MAN2B1: variants seen among roughly 807,000 people sequenced by gnomAD.
MAN2B1 encodes lysosomal alpha-mannosidase.
MAN2B1 carries 99 observed loss-of-function variants against 127.5 expected under a neutral mutation model. The observed-to-expected ratio is 0.78, with a 90% confidence interval of 0.66 to 0.92. MAN2B1 has a LOEUF of 0.92. Ranked by LOEUF, MAN2B1 falls within the 40% of genes least tolerant of loss-of-function variation. The probability of loss-of-function intolerance (pLI) is 0.00; values close to 1 mark genes in which losing one functional copy is unlikely to be tolerated. For missense variants in MAN2B1, 1,304 were observed against 1,384.8 expected (o/e 0.94, Z 0.93); for synonymous variants, 573 against 568.8 (o/e 1.01, Z -0.11).
At position 12,650,204 on chromosome 19, in the gene MAN2B1, C is replaced by G. The variant is rs778745390; in HGVS notation, c.2065G>C (p.Val689Leu). ...CACCAAGCTGAGAAGTTCTGGTGCA[C>G]CTCCTGCACCAAGGGTGTCTGCGGG... is the stretch of plus-strand genomic sequence containing the variant. Reference protein sequence around the residue: ...HLVKTPLVQEVHQNFSAWCSQ... With the variant: ...HLVKTPLVQELHQNFSAWCSQ... The change falls in exon 17 of 24, where the codon GTG (valine) becomes CTG (leucine). Residue 689 changes from valine to leucine, a missense_variant. Physicochemically the swap from Val to Leu is conservative, Grantham distance 32. Coordinates refer to ENST00000456935, the MANE Select transcript of MAN2B1 (RefSeq NM_000528.4). 1 of 1,610,862 alleles carries G rather than the reference C, an allele frequency of 6.2e-7. No individual in the cohort carries two copies. The highest frequency in any genetic ancestry group is 8.5e-7 in the Non-Finnish European group (1 of 1,177,268).
At chr19:12,661,486 G>C in intron 6 of MAN2B1, 110 bp from the exon 7 acceptor site, 2 of 789,902 alleles carry the variant, frequency 2.5e-6, no homozygotes, top group Admixed American at 3.4e-5. Flanking sequence ...GGCATGGGTG[G>C]GGGTATGGCA....
rs762894770 is a variant in MAN2B1, at chr19:12,652,205, T to C, written c.1994A>G (p.Asn665Ser). The C allele has an allele frequency of 1.9e-6, 3 of 1,614,026 alleles. No individual in the cohort carries two copies. Among genetic ancestry groups the C allele is most frequent in the East Asian group, 2.2e-5 (1 of 44,888 alleles). ...QASGAYIFRP[N>S]QQKPLPVSRW... ...GCTCACAGGCAGCGGTTTCTGTTGGTTGGGTCTGAAGATGTAGGCACCTGA... is the reference window on the plus strand; with the variant it reads ...GCTCACAGGCAGCGGTTTCTGTTGGCTGGGTCTGAAGATGTAGGCACCTGA... Residue 665 changes from asparagine to serine, a missense_variant, in exon 16 of 24, where the codon AAC becomes AGC. Physicochemically the swap from Asn to Ser is conservative, Grantham distance 46. Transcript: ENST00000456935.
chr19:12,647,101 G>T lies in MAN2B1; in HGVS notation c.2923+132C>A. The T allele has an allele frequency of 1.2e-6, 1 of 838,732 alleles. No individual in the cohort carries two copies. The allele number at this position is 838,732 out of a possible 1,614,324, so 52.0% of individuals were successfully genotyped here. On this transcript the variant is annotated intron_variant, in intron 23 of 23. Coordinates refer to ENST00000456935, the MANE Select transcript of MAN2B1 (RefSeq NM_000528.4). This position sits in a 1 kb window ranked among gnomAD's most constrained non-coding sequence, Gnocchi z 4.9. Reference sequence around the variant, plus strand: ...TTCAGATCCTTTAAGCCCCTAACCTGGGTCTGGACTCTGCCCCATACCCTC... The same window carrying T: ...TTCAGATCCTTTAAGCCCCTAACCTTGGTCTGGACTCTGCCCCATACCCTC...
At chr19:12,649,812 CCT>C in intron 18 of MAN2B1, 99 bp downstream of exon 18, 1 of 1,039,770 alleles carries the variant, frequency 9.6e-7, no homozygotes, top group Non-Finnish European at 1.5e-6. Context: ...CTCCCTTCGT[CCT>C]CTGTCTCCCA....
At position 12,652,477 on chromosome 19, in the gene MAN2B1, C is replaced by T. The variant is rs372997137; in HGVS notation, c.1831-17G>A. ...CCGGATGTGCTGGGCAGAAAAGGGT[C>T]CACAGATGGGTTTGTGTGTGTATGT... On this transcript the variant is annotated splice_polypyrimidine_tract_variant and intron_variant, in intron 14 of 23. Coordinates refer to ENST00000456935, the MANE Select transcript of MAN2B1 (RefSeq NM_000528.4). 1.7e-5 allele frequency: 27 copies of T among 1,579,208 alleles called. No homozygotes were observed. In the African/African-American group the frequency reaches 3.5e-4, roughly 20 times the overall value.
chr19:12,657,297 C>T (rs913153297), intron 11 of MAN2B1, 149 bp downstream of exon 11: 1 of 753,950 alleles, frequency 1.3e-6, no homozygotes, highest in Non-Finnish European at 2.3e-6. Flanking sequence ...CTTTCCCCGC[C>T]TCCTACAAGC....
chr19:12,665,867 G>A (rs775121859), intron 1 of MAN2B1, 62 bp from the exon 2 acceptor site: 46 of 1,342,538 alleles, frequency 3.4e-5, no homozygotes, highest in Non-Finnish European at 4.5e-5. Flanking sequence ...GGGCTGCAGA[G>A]TAAGTCTTGA....
chr19:12,653,070 G>A (rs1054534538), intron 14 of MAN2B1, among the ~76,000 whole-genome samples: 2 of 150,864 alleles, frequency 1.3e-5, no homozygotes, highest in African/African-American at 4.9e-5. Context: ...CTGACCTCAG[G>A]TAATCCACCC....
Position 12,652,270 on chromosome 19 carries a change from C to G in MAN2B1, c.1929G>C (p.Trp643Cys). Reference sequence around the variant, plus strand: ...CGTTGTCACCTATACTGGCGTTGTACCTGGAGTTGGGGCAGGTGAGAGTCA... The same window carrying G: ...CGTTGTCACCTATACTGGCGTTGTAGCTGGAGTTGGGGCAGGTGAGAGTCA... ...LLLPVRQTFF[W>C]YNASIGDNES... The change falls in exon 16 of 24, where the codon TGG (tryptophan) becomes TGC (cysteine). Residue 643 changes from tryptophan to cysteine, a missense_variant and splice_region_variant. Coordinates refer to ENST00000456935, the MANE Select transcript of MAN2B1 (RefSeq NM_000528.4). The G allele has an allele frequency of 1.9e-6, 3 of 1,613,820 alleles. No individual in the cohort carries two copies. Among genetic ancestry groups the G allele is most frequent in the Non-Finnish European group, 8.5e-7 (1 of 1,179,764 alleles).
chr19:12,665,617 G>C, intron 2 of MAN2B1, 86 bp downstream of exon 2: 2 of 1,578,728 alleles, frequency 1.3e-6, no homozygotes, highest in Non-Finnish European at 1.7e-6. Flanking sequence ...TATTAGGGTA[G>C]CACTGGCCCC....
At chr19:12,649,799 A>ACT (rs2023797903) in intron 18 of MAN2B1, 114 bp downstream of exon 18, 2 of 918,560 alleles carry the variant, frequency 2.2e-6, no homozygotes, top group African/African-American at 3.3e-5. Flanking sequence ...CCCGCCCTTC[A>ACT]CTCTCCCTTC....
At chr19:12,662,714 G>A (rs1440849895) in intron 6 of MAN2B1, among the ~76,000 whole-genome samples, 1 of 152,034 alleles carries the variant, frequency 6.6e-6, no homozygotes, top group Non-Finnish European at 1.5e-5. Context: ...TTGGGAGGTT[G>A]AGGCGGGCAG....
At position 12,646,615 on chromosome 19, in the gene MAN2B1, C is replaced by T. The variant is rs772880923; in HGVS notation, c.*5G>A. 6.2e-7 allele frequency: 1 copy of T among 1,605,480 alleles called. No individual in the cohort carries two copies. The highest frequency in any genetic ancestry group is 1.7e-5 in the Admixed American group (1 of 60,004). On this transcript the variant is annotated 3_prime_UTR_variant, in exon 24 of 24. Transcript: ENST00000456935. ...CTTGGGCTTGGAGGGCCCATCCCAG[C>T]AGACCTAACCATCCACCTCCTTCCA...
chr19:12,661,189 T>C (rs1237689671), intron 7 of MAN2B1, 71 bp downstream of exon 7: 13 of 1,007,654 alleles, frequency 1.3e-5, no homozygotes, highest in Non-Finnish European at 1.9e-5. Context: ...CTGAGAGCTA[T>C]GCACATAACC....
At chr19:12,653,469 T>G (rs1327096758) in intron 14 of MAN2B1, among the ~76,000 whole-genome samples, 1 of 151,886 alleles carries the variant, frequency 6.6e-6, no homozygotes, top group Non-Finnish European at 1.5e-5. Flanking sequence ...AATTTAAAAT[T>G]TTTTTAGGGC....
intron 16 of MAN2B1, among the ~76,000 whole-genome samples, chr19:12,650,750 A>C (rs2023826570): frequency 6.7e-6 from 1 of 150,286 alleles, no homozygotes; most frequent in Non-Finnish European, 1.5e-5. Context: ...GCCTCACTGC[A>C]ACCTCCGCCT....
rs781046464 is a variant in MAN2B1, at chr19:12,665,747, T to C, written c.218A>G (p.Asp73Gly). The change falls in exon 2 of 24, where the codon GAT becomes GGT. Residue 73 changes from aspartate to glycine, a missense_variant. Physicochemically the swap from Asp to Gly is moderately conservative, Grantham distance 94 (BLOSUM62 -1). Transcript: ENST00000456935. ...LNVHLLPHTH[D>G]DVGWLKTVDQ... ...CACGGTTTTGAGCCAGCCCACGTCA[T>C]CATGTGTGTGAGGCAGCAGGTGCAC... The C allele has an allele frequency of 1.2e-5, 20 of 1,614,080 alleles. No individual in the cohort carries two copies. The highest frequency in any genetic ancestry group is 1.7e-5 in the Admixed American group (1 of 60,008).
In MAN2B1 at chr19:12,665,374, G is replaced by A. The variant is rs1196427185; in HGVS notation, c.414C>T (p.Val138=). The A allele has an allele frequency of 6.2e-6, 10 of 1,608,858 alleles. No individual in the cohort carries two copies. Among genetic ancestry groups the A allele is most frequent in the East Asian group, 4.5e-5 (2 of 44,900 alleles). Residue 138 remains valine, a synonymous_variant, in exon 3 of 24, where the codon GTC becomes GTT. Coordinates refer to ENST00000456935, the MANE Select transcript of MAN2B1 (RefSeq NM_000528.4). ...WHQQTNATQE[V]VRDLVRQGRL... is the part of the protein sequence containing the mutation. ...CACCCTGGCGCACAAGGTCTCGCACGACTTCCTGTGTGGCATTTGTCTGCT... is the reference window on the plus strand; with the variant it reads ...CACCCTGGCGCACAAGGTCTCGCACAACTTCCTGTGTGGCATTTGTCTGCT...
intron 14 of MAN2B1, among the ~76,000 whole-genome samples, chr19:12,655,121 T>A (rs572993240): frequency 6.6e-6 from 1 of 152,228 alleles, no homozygotes; most frequent in East Asian, 1.9e-4. Context: ...TGGGCTCAAG[T>A]GATCCTCCCG....
Sources: allele counts gnomAD v4.1 joint callset (sites outside exome capture counted in the v4.1 genomes callset), GRCh38; gene constraint gnomAD v4.1.1; non-coding constraint Gnocchi (gnomAD v3.1); transcripts MANE v1.5; gene names NCBI Gene and HGNC (gene_info 2026-07-23, HGNC 2026-07-21).